CYBRD1: variants seen among roughly 807,000 people sequenced by gnomAD.
The protein encoded by CYBRD1 is plasma membrane ascorbate-dependent reductase CYBRD1.
Under a neutral mutation model 21.9 loss-of-function variants are expected in CYBRD1, and 14 were observed. The observed-to-expected ratio is 0.64, with a 90% confidence interval of 0.42 to 1.00. The LOEUF is 1.00. Among genes scored for constraint, CYBRD1 ranks in the 50% least tolerant of loss-of-function variants. The pLI, the probability that CYBRD1 is intolerant of heterozygous loss-of-function variation, is 0.00. For synonymous variants in CYBRD1, 146 were observed against 136.5 expected (o/e 1.07, Z -0.48); for missense variants, 328 against 352.5 (o/e 0.93, Z 0.56).
intron 1 of CYBRD1, among the ~76,000 whole-genome samples, chr2:171,536,242 G>A (rs1658205541): frequency 6.6e-6 from 1 of 150,824 alleles, no homozygotes; most frequent in South Asian, 2.1e-4. Flanking sequence ...GGGTTCAAGC[G>A]ATTCTCTTGC....
In CYBRD1 at chr2:171,522,689, C is replaced by T. The variant is rs991177451; in HGVS notation, c.144C>T (p.Asn48=). 2 of 1,613,422 alleles carry T rather than the reference C, an allele frequency of 1.2e-6. No individual in the cohort carries two copies. The highest frequency in any genetic ancestry group is 8.5e-7 in the Non-Finnish European group (1 of 1,179,926). ...LGWDGSALEF[N]WHPVLMVTGF... ...GGGATGGGAGCGCACTAGAGTTTAA[C>T]TGGCACCCAGTGCTCATGGTCACCG... The change falls in exon 1 of 4, where the codon AAC becomes AAT. Residue 48 remains asparagine, a synonymous_variant. Transcript: ENST00000321348. This position sits in a 1 kb window ranked among gnomAD's most constrained non-coding sequence, Gnocchi z 4.3.
In CYBRD1 at chr2:171,554,492, G is replaced by C. The variant is rs6731190; in HGVS notation, c.558-32G>C. 0.011 allele frequency: 17,499 copies of C among 1,610,328 alleles called. 1,536 individuals carry two copies. The African/African-American group carries it at 0.2, about 18-fold the overall frequency. ...GTTTTGCATGTTGCTGTATCATCCTGTTTGTAATTGGATACATCTCTTATT... is the reference window on the plus strand; with the variant it reads ...GTTTTGCATGTTGCTGTATCATCCTCTTTGTAATTGGATACATCTCTTATT... On this transcript the variant is annotated intron_variant, in intron 3 of 3. Transcript: ENST00000321348.
At chr2:171,531,951 T>G (rs1018513420) in intron 1 of CYBRD1, among the ~76,000 whole-genome samples, 3 of 152,210 alleles carry the variant, frequency 2.0e-5, no homozygotes, top group Admixed American at 6.5e-5. Flanking sequence ...CAGAGATGTT[T>G]CTAGGGCTAA....
chr2:171,551,158 G>A (rs115123837), intron 2 of CYBRD1: 4,196 of 155,348 alleles, frequency 0.027, 72 homozygotes, highest in Non-Finnish European at 0.043. Flanking sequence ...CATGTTGCCC[G>A]GGCTTGTCTT....
intron 2 of CYBRD1, among the ~76,000 whole-genome samples, chr2:171,547,629 T>C (rs748976094): frequency 5.3e-5 from 8 of 152,060 alleles, no homozygotes; most frequent in African/African-American, 1.7e-4. Context: ...TCCAATGTAA[T>C]TGAAGAAAAG....
rs1269756657 is a variant in CYBRD1 at position 171,522,776 on chromosome 2, G to A, written c.193+38G>A. ...CCTGGGGGGGTGCGGGGAGGAAAGC[G>A]GGGAGAACGGCGGGGGCAGAGGGTC... On this transcript the variant is annotated intron_variant, in intron 1 of 3. Transcript: ENST00000321348. This position sits in a 1 kb window ranked among gnomAD's most constrained non-coding sequence, Gnocchi z 4.3. 1.2e-6 allele frequency: 2 copies of A among 1,612,096 alleles called. No individual in the cohort carries two copies. The highest frequency in any genetic ancestry group is 2.7e-5 in the African/African-American group (2 of 75,032).
chr2:171,523,137 C>A (rs1374859328), intron 1 of CYBRD1: 8 of 323,536 alleles, frequency 2.5e-5, no homozygotes, highest in Non-Finnish European at 3.1e-5. Context: ...CTGCAGCCCA[C>A]GCGCCCCGGA....
intron 1 of CYBRD1, among the ~76,000 whole-genome samples, chr2:171,538,022 A>T (rs555135271): frequency 1.3e-5 from 2 of 152,342 alleles, no homozygotes; most frequent in South Asian, 4.1e-4. Context: ...CACACCTGTA[A>T]TCCCAGCACT....
intron 1 of CYBRD1, among the ~76,000 whole-genome samples, chr2:171,528,473 T>A (rs1697416466): frequency 2.0e-5 from 3 of 151,160 alleles, no homozygotes; most frequent in African/African-American, 7.4e-5. Flanking sequence ...CTTCTCTCTT[T>A]CCTGGCTGCC....
At chr2:171,548,091 A>T (rs1360471832) in intron 2 of CYBRD1, among the ~76,000 whole-genome samples, 1 of 151,508 alleles carries the variant, frequency 6.6e-6, no homozygotes, top group Non-Finnish European at 1.5e-5. Context: ...GGCATATTGT[A>T]GTTGGTGCTG....
At chr2:171,525,274 A>G (rs1697368213) in intron 1 of CYBRD1, among the ~76,000 whole-genome samples, 1 of 152,120 alleles carries the variant, frequency 6.6e-6, no homozygotes, top group South Asian at 2.1e-4. Context: ...CTGTATTTGT[A>G]TCAATGGTCC....
At chr2:171,551,104 G>A in intron 2 of CYBRD1, 1 of 178,042 alleles carries the variant, frequency 5.6e-6, no homozygotes, top group East Asian at 1.3e-4. Flanking sequence ...CCACAGACGT[G>A]CACCACCATG....
chr2:171,544,198 A>C (rs541557675), intron 2 of CYBRD1, among the ~76,000 whole-genome samples: 1 of 152,282 alleles, frequency 6.6e-6, no homozygotes, highest in Non-Finnish European at 1.5e-5. Context: ...TCTTTTGTCT[A>C]TTTAAAAAAT....
Position 171,557,941 on chromosome 2 carries a change from A to T in CYBRD1, c.*3114A>T, listed in dbSNP as rs1683517037. ...ATGTCTTTAGGAAAATGTAGAAGAAAGAACATTATTGTTCTTTAATTCCTA... is the reference window on the plus strand; with the variant it reads ...ATGTCTTTAGGAAAATGTAGAAGAATGAACATTATTGTTCTTTAATTCCTA... On this transcript the variant is annotated 3_prime_UTR_variant, in exon 4 of 4. Transcript: ENST00000321348. 6.6e-6 allele frequency: 1 copy of T among 152,208 alleles called. No individual in the cohort carries two copies. The highest frequency in any genetic ancestry group is 2.4e-5 in the African/African-American group (1 of 41,466). 9.4% of individuals were successfully genotyped at this position (152,208 alleles called of 1,614,324 possible).
chr2:171,533,228 A>G (rs1697496626), intron 1 of CYBRD1, among the ~76,000 whole-genome samples: 1 of 152,092 alleles, frequency 6.6e-6, no homozygotes. Flanking sequence ...TTAGCCGGGC[A>G]TGGTAGTGCT....
intron 2 of CYBRD1, among the ~76,000 whole-genome samples, chr2:171,549,819 T>C (rs1442470871): frequency 1.3e-5 from 2 of 152,260 alleles, no homozygotes; most frequent in African/African-American, 2.4e-5. Flanking sequence ...CTGTAGGTGA[T>C]GATTCCTAAA....
intron 1 of CYBRD1, among the ~76,000 whole-genome samples, chr2:171,533,292 G>A (rs540600777): frequency 6.6e-6 from 1 of 152,124 alleles, no homozygotes; most frequent in South Asian, 2.1e-4. Flanking sequence ...GCTTGAACCC[G>A]GGAATCCGAG....
At chr2:171,538,614 T>C (rs1697579741) in intron 1 of CYBRD1, among the ~76,000 whole-genome samples, 1 of 152,174 alleles carries the variant, frequency 6.6e-6, no homozygotes, top group African/African-American at 2.4e-5. Context: ...AAAGAAATAT[T>C]GTCCTAATGG....
rs769615671 is a variant in CYBRD1, at chr2:171,553,360, T to C, written c.417T>C (p.Phe139=). 3.7e-6 allele frequency: 6 copies of C among 1,613,588 alleles called. No homozygotes were observed. The highest frequency in any genetic ancestry group is 1.7e-5 in the Admixed American group (1 of 60,008). Residue 139 remains phenylalanine (F), a synonymous_variant, in exon 3 of 4, where the codon TTT becomes TTC. Coordinates refer to ENST00000321348, the MANE Select transcript of CYBRD1 (RefSeq NM_024843.4). The stretch of plus-strand genomic sequence containing the variant: ...TTGGTGTTTAGCTTCTTTCAGGTTT[T>C]TCAGTCTTTCTGCTTCCATGGGCTC... ...ICYLLQLLSG[F]SVFLLPWAPL... is the part of the protein sequence containing the mutation.
Sources: gnomAD v4.1 joint callset for allele counts (sites outside exome capture counted in the v4.1 genomes callset) on GRCh38, gnomAD v4.1.1 for gene constraint, Gnocchi (gnomAD v3.1) non-coding constraint, MANE v1.5 for transcripts, NCBI Gene and HGNC (gene_info 2026-07-23, HGNC 2026-07-21) for gene names.